The following WDPCP variants were observed in gnomAD, a reference collection of about 807,000 sequenced individuals.
WDPCP encodes the protein WD repeat-containing and planar cell polarity effector protein fritz homolog.
WDPCP carries 71 observed loss-of-function variants against 93.1 expected under a neutral mutation model. The ratio of observed to expected loss-of-function variants is 0.76; its 90% CI spans 0.63 to 0.93. The LOEUF is 0.93. Among genes scored for constraint, WDPCP ranks in the 40% least tolerant of loss-of-function variants. The probability of loss-of-function intolerance (pLI) is 0.00; values close to 1 mark genes in which losing one functional copy is unlikely to be tolerated. For synonymous variants in WDPCP, 315 were observed against 315.0 expected (o/e 1.00, Z 0.00); for missense variants, 844 against 887.4 (o/e 0.95, Z 0.62).
intron 1 of WDPCP, among the ~76,000 whole-genome samples, chr2:63,575,695 C>T (rs576608456): frequency 8.7e-5 from 13 of 150,146 alleles, no homozygotes; most frequent in Middle Eastern, 3.9e-3. Flanking sequence ...CTGTATACTA[C>T]TAAAAATGTC....
At chr2:63,478,412 T>G (rs1316543717) in intron 6 of WDPCP, among the ~76,000 whole-genome samples, 1 of 152,120 alleles carries the variant, frequency 6.6e-6, no homozygotes, top group Non-Finnish European at 1.5e-5. Context: ...CATATGGAAC[T>G]TTCTCCAAGA....
intron 10 of WDPCP, among the ~76,000 whole-genome samples, chr2:63,400,454 G>C (rs954629666): frequency 1.3e-5 from 2 of 152,134 alleles, no homozygotes; most frequent in Admixed American, 6.6e-5. Context: ...CCTACAGAAT[G>C]GGAGAAAATA....
chr2:63,558,778 A>G (rs1706341440), intron 1 of WDPCP, among the ~76,000 whole-genome samples: 1 of 149,706 alleles, frequency 6.7e-6, no homozygotes, highest in African/African-American at 2.4e-5. Flanking sequence ...TCTGAAATTG[A>G]GGCAGCAACA....
chr2:63,610,324 TC>T (rs1327822943), intron 3 of WDPCP, among the ~76,000 whole-genome samples: 1 of 152,182 alleles, frequency 6.6e-6, no homozygotes, highest in African/African-American at 2.4e-5. Flanking sequence ...AATATTGACC[TC>T]TGCAGATCAT....
At chr2:63,490,563 T>A (rs2105936844) in intron 2 of WDPCP, among the ~76,000 whole-genome samples, 1 of 152,286 alleles carries the variant, frequency 6.6e-6, no homozygotes, top group Admixed American at 6.5e-5. Flanking sequence ...AGAAGTAGGA[T>A]TCATAAAAGG....
intron 6 of WDPCP, among the ~76,000 whole-genome samples, chr2:63,475,612 TAGAG>T (rs1699930046): frequency 6.6e-6 from 1 of 152,126 alleles, no homozygotes; most frequent in Non-Finnish European, 1.5e-5. Context: ...TGCCTGTTGA[TAGAG>T]AGCTTAATAA....
Position 63,644,431 on chromosome 2 carries a change from A to T in WDPCP, n.488+6228T>A, listed in dbSNP as rs894801638. Among the ~76,000 whole-genome samples the T allele has an allele frequency of 2.0e-5, 3 of 151,998 alleles. No individual in the cohort carries two copies. In the East Asian group the frequency reaches 5.8e-4, roughly 29 times the overall value. On this transcript the variant is annotated intron_variant and non_coding_transcript_variant, in intron 3 of 4. Transcript: ENST00000467687. ...GCTAATTTTTGTATTCTTAGTAGAG[A>T]CAGGGTTTCACCATGTTGGCCAGGC... is the stretch of plus-strand genomic sequence containing the variant.
chr2:63,270,590 G>C (rs1682558241), intron 13 of WDPCP, among the ~76,000 whole-genome samples: 1 of 152,146 alleles, frequency 6.6e-6, no homozygotes, highest in Admixed American at 6.5e-5. Flanking sequence ...CAGCATTTAA[G>C]AGAGAACATT....
chr2:63,151,444 C>T (rs1391047194), intron 17 of WDPCP, among the ~76,000 whole-genome samples: 1 of 152,138 alleles, frequency 6.6e-6, no homozygotes, highest in Non-Finnish European at 1.5e-5. Context: ...AGGCTGGTCT[C>T]GAACTCCTGG....
chr2:63,447,778 C>T lies in WDPCP; in HGVS notation c.385-7907G>A, dbSNP rs138563193. Among the ~76,000 whole-genome samples the T allele has an allele frequency of 6.2e-3, 933 of 151,550 alleles. 5 individuals are homozygous for T. The highest frequency in any genetic ancestry group is 0.011 in the Admixed American group (164 of 15,226). ...ATTGACAGATGGTCATATATTGTTA[C>T]GTAAAGAAAGTTAGAGAAAAATATG... On this transcript the variant is annotated intron_variant, in intron 6 of 17. Transcript: ENST00000272321.
chr2:63,785,609 C>A (rs879477181), intron 2 of WDPCP, among the ~76,000 whole-genome samples: 3 of 152,102 alleles, frequency 2.0e-5, no homozygotes, highest in Non-Finnish European at 4.4e-5. Context: ...CTGTTCTTCT[C>A]TTTATTATAT....
chr2:63,520,623 G>A (rs1558747366), intron 1 of WDPCP, among the ~76,000 whole-genome samples: 1 of 152,140 alleles, frequency 6.6e-6, no homozygotes, highest in Non-Finnish European at 1.5e-5. Context: ...CAGGCGTGAT[G>A]GCTCACACCT....
intron 3 of WDPCP, among the ~76,000 whole-genome samples, chr2:63,611,862 A>G (rs1318367124): frequency 6.6e-6 from 1 of 152,220 alleles, no homozygotes; most frequent in Non-Finnish European, 1.5e-5. Flanking sequence ...TCTGCTGGGA[A>G]TAGACTCGTA....
At chr2:63,585,846 T>C (rs2106567864) in intron 1 of WDPCP, among the ~76,000 whole-genome samples, 1 of 149,822 alleles carries the variant, frequency 6.7e-6, no homozygotes, top group Non-Finnish European at 1.5e-5. Flanking sequence ...TTTTTTTTTT[T>C]TTTTTTTTGA....
intron 13 of WDPCP, among the ~76,000 whole-genome samples, chr2:63,291,916 G>A (rs1210128128): frequency 2.0e-5 from 3 of 151,818 alleles, no homozygotes; most frequent in Admixed American, 6.6e-5. Flanking sequence ...GGCGGATCAT[G>A]AGGTCAGGAG....
Position 63,537,808 on chromosome 2 carries a change from G to A in WDPCP, c.76-44868C>T, listed in dbSNP as rs139216477. On this transcript the variant is annotated intron_variant, in intron 1 of 17. Transcript: ENST00000272321. The stretch of plus-strand genomic sequence containing the variant: ...CTTACACACTTAAGATTTTAACTAC[G>A]TATTTACTTGTTTGTCTCCTGCACA... 5.3e-5 allele frequency among the ~76,000 whole-genome samples: 8 copies of A among 152,182 alleles called. No individual in the cohort carries two copies. In the East Asian group the frequency reaches 1.2e-3, roughly 22 times the overall value.
At chr2:63,778,736 C>G (rs1277445428) in intron 2 of WDPCP, among the ~76,000 whole-genome samples, 1 of 152,154 alleles carries the variant, frequency 6.6e-6, no homozygotes, top group East Asian at 1.9e-4. Flanking sequence ...TTTAAAAACT[C>G]TATGCTCTCT....
At chr2:63,536,192 T>C (rs1704263502) in intron 1 of WDPCP, among the ~76,000 whole-genome samples, 1 of 152,118 alleles carries the variant, frequency 6.6e-6, no homozygotes, top group Admixed American at 6.5e-5. Flanking sequence ...AGAATGGCGA[T>C]CATTAAAAAG....
At chr2:63,379,709 A>G (rs950007145) in intron 11 of WDPCP, among the ~76,000 whole-genome samples, 2 of 152,194 alleles carry the variant, frequency 1.3e-5, no homozygotes, top group Admixed American at 1.3e-4. Flanking sequence ...GATCTCAAAG[A>G]TAACTACAAT....
Sources: gnomAD v4.1 joint callset for allele counts (sites outside exome capture counted in the v4.1 genomes callset) on GRCh38, gnomAD v4.1.1 for gene constraint, MANE v1.5 for transcripts, NCBI Gene and HGNC (gene_info 2026-07-23, HGNC 2026-07-21) for gene names.